The following COL14A1 variants were observed in gnomAD, a reference collection of about 807,000 sequenced individuals.
COL14A1 encodes the protein collagen type XIV alpha 1 chain.
In COL14A1, 136 loss-of-function variants were observed where a neutral mutation model predicts 230.3. The observed-to-expected ratio is 0.59, with a 90% CI of 0.51 to 0.68. The LOEUF (loss-of-function observed/expected upper bound fraction) is 0.68, where lower values mean the gene tolerates loss of function less well. Among genes scored for constraint, COL14A1 ranks in the 30% least tolerant of loss-of-function variants. The probability of loss-of-function intolerance (pLI) is 0.00; values close to 1 mark genes in which losing one functional copy is unlikely to be tolerated. For synonymous variants in COL14A1, 792 were observed against 784.1 expected, an observed-to-expected ratio of 1.01 and a Z score of -0.17; for missense variants, 1,976 against 2,215.8, an observed-to-expected ratio of 0.89 and a Z score of 2.17.
intron 23 of COL14A1, among the ~76,000 whole-genome samples, chr8:120,260,097 T>C (rs975179402): frequency 2.0e-5 from 3 of 152,168 alleles, no homozygotes; most frequent in South Asian, 4.2e-4. Context: ...CTATTTACTT[T>C]GAACAAATAC....
At chr8:120,308,381 C>T (rs1200376875) in intron 36 of COL14A1, among the ~76,000 whole-genome samples, 2 of 152,180 alleles carry the variant, frequency 1.3e-5, no homozygotes, top group Non-Finnish European at 2.9e-5. Context: ...ATCCAAGGTT[C>T]AGACAACTAT....
rs140702446 is a variant in COL14A1, at chr8:120,208,184, C to T, written c.1192-48C>T. ...TTTTCGCTTTTTGATTTCAATTCTGCGTGTAAGATATTCCATACTCTCATT... is the reference window on the plus strand; with the variant it reads ...TTTTCGCTTTTTGATTTCAATTCTGTGTGTAAGATATTCCATACTCTCATT... On this transcript the variant is annotated intron_variant, in intron 10 of 47. Transcript: ENST00000297848. 2.5e-4 allele frequency: 375 copies of T among 1,492,684 alleles called. 5 individuals are homozygous for T. The African/African-American group carries it at 4.4e-3, about 18-fold the overall frequency. 92.5% of individuals were successfully genotyped at this position (1,492,684 alleles called of 1,614,324 possible).
intron 24 of COL14A1, among the ~76,000 whole-genome samples, chr8:120,266,380 C>A (rs993166805): frequency 6.6e-6 from 1 of 152,030 alleles, no homozygotes; most frequent in Non-Finnish European, 1.5e-5. Flanking sequence ...GAATCAGAGT[C>A]CACTGGTGAC....
In COL14A1 at chr8:120,182,969, C is replaced by T. The variant is rs61361122; in HGVS notation, c.437-13822C>T. ...CTCAAACTCCTGAGCTCAGGTGATC[C>T]GCCTGACTCAGCCTCCCAAAATGCT... On this transcript the variant is annotated intron_variant, in intron 5 of 47. Coordinates refer to ENST00000297848, the MANE Select transcript of COL14A1 (RefSeq NM_021110.4). Among the ~76,000 whole-genome samples, 1,462 of 152,094 alleles carry T rather than the reference C, an allele frequency of 9.6e-3. 31 individuals are homozygous for T. The highest frequency in any genetic ancestry group is 0.034 in the African/African-American group (1,406 of 41,482).
chr8:120,289,545 A>T (rs1025371255), intron 33 of COL14A1, 63 bp from the exon 34 acceptor site: 49 of 1,381,172 alleles, frequency 3.5e-5, no homozygotes, highest in Non-Finnish European at 4.5e-5. Flanking sequence ...TCATACAATT[A>T]TACAAATTTG....
At chr8:120,272,463 A>G (rs1391063304) in intron 26 of COL14A1, among the ~76,000 whole-genome samples, 1 of 151,798 alleles carries the variant, frequency 6.6e-6, no homozygotes, top group Non-Finnish European at 1.5e-5. Flanking sequence ...GTTGAATGTA[A>G]ATAGCCTAAG....
chr8:120,357,100 AGT>A (rs1350303226), intron 45 of COL14A1, among the ~76,000 whole-genome samples: 1 of 152,236 alleles, frequency 6.6e-6, no homozygotes, highest in Non-Finnish European at 1.5e-5. Flanking sequence ...TTTAAAACTT[AGT>A]GGCTTAAAGC....
At chr8:120,292,534 C>G (rs935610494) in intron 34 of COL14A1, among the ~76,000 whole-genome samples, 1 of 152,076 alleles carries the variant, frequency 6.6e-6, no homozygotes, top group Non-Finnish European at 1.5e-5. Flanking sequence ...GAAACTCAGA[C>G]TTGCTTTTTG....
intron 5 of COL14A1, among the ~76,000 whole-genome samples, chr8:120,185,978 G>A (rs1019970204): frequency 6.6e-6 from 1 of 151,992 alleles, no homozygotes; most frequent in Non-Finnish European, 1.5e-5. Flanking sequence ...TTCACCATTT[G>A]GCCTGTCTGG....
At chr8:120,331,329 G>GA (rs34839421) in intron 40 of COL14A1, among the ~76,000 whole-genome samples, 1 of 152,004 alleles carries the variant, frequency 6.6e-6, no homozygotes, top group Non-Finnish European at 1.5e-5. Flanking sequence ...GTGGTGTTTG[G>GA]AAAAAATTTT....
intron 1 of COL14A1, among the ~76,000 whole-genome samples, chr8:120,141,971 G>T (rs978190947): frequency 2.0e-5 from 3 of 152,074 alleles, no homozygotes; most frequent in Non-Finnish European, 4.4e-5. Context: ...GGGCTCAAGC[G>T]ATCTTCCTGC....
chr8:120,358,894 A>T (rs1823083646), intron 45 of COL14A1, among the ~76,000 whole-genome samples: 1 of 152,166 alleles, frequency 6.6e-6, no homozygotes, highest in African/African-American at 2.4e-5. Flanking sequence ...GAGGAAGGTG[A>T]AAACATGCAG....
chr8:120,266,274 G>C (rs974753458), intron 24 of COL14A1, among the ~76,000 whole-genome samples: 1 of 151,906 alleles, frequency 6.6e-6, no homozygotes, highest in Non-Finnish European at 1.5e-5. Flanking sequence ...CATAATCCAG[G>C]CTGAAAAGAC....
chr8:120,147,115 C>G (rs975405025), intron 1 of COL14A1, among the ~76,000 whole-genome samples: 3 of 151,476 alleles, frequency 2.0e-5, no homozygotes, highest in Non-Finnish European at 4.4e-5. Context: ...ATTATAGATA[C>G]GTAATAATTA....
chr8:120,353,657 C>T (rs1173717003), intron 45 of COL14A1, among the ~76,000 whole-genome samples: 10 of 150,558 alleles, frequency 6.6e-5, no homozygotes, highest in Non-Finnish European at 1.0e-4. Flanking sequence ...TCATCACTGG[C>T]CATCAGAGAA....
intron 14 of COL14A1, among the ~76,000 whole-genome samples, chr8:120,219,038 A>G (rs1817849573): frequency 6.6e-6 from 1 of 150,834 alleles, no homozygotes; most frequent in African/African-American, 2.4e-5. Context: ...TATATTTATA[A>G]ATATAATTAT....
intron 25 of COL14A1, 191 bp downstream of exon 25, chr8:120,267,074 A>T (rs1819522179): frequency 1.8e-6 from 1 of 555,134 alleles, no homozygotes; most frequent in Non-Finnish European, 3.2e-6. Context: ...CTGCACACAA[A>T]GAGTGGATTT....
In COL14A1 at chr8:120,247,683, C is replaced by A; in HGVS notation, c.2550C>A (p.Asp850Glu). 1 of 1,613,944 alleles carries A rather than the reference C, an allele frequency of 6.2e-7. No homozygotes were observed. The highest frequency in any genetic ancestry group is 1.7e-4 in the Middle Eastern group (1 of 6,060). Residue 850 changes from aspartate (D) to glutamate (E), a missense_variant, in exon 21 of 48, where the codon GAC becomes GAA. Physicochemically the swap from Asp to Glu is conservative, Grantham distance 45. This residue lies in a region of COL14A1 where 1,791 missense variants were observed against 2,019.5 expected (regional missense o/e 0.89). Transcript: ENST00000297848. ...ATAACCGGTTGCGCATTACGTGGGA[C>A]CCCCCATCTTCCCCGGTGAAAGGCT... ...EWYNRLRITWDPPSSPVKGYR... is the reference protein window; with the variant it reads ...EWYNRLRITWEPPSSPVKGYR...
At position 120,370,639 on chromosome 8, in the gene COL14A1, T is replaced by C. The variant is rs1823554692; in HGVS notation, c.5312-513T>C. 4.8e-6 allele frequency: 7 copies of C among 1,457,832 alleles called. No individual in the cohort carries two copies. The East Asian group carries it at 1.9e-4, about 40-fold the overall frequency. The allele number at this position is 1,457,832 out of a possible 1,614,324, so 90.3% of individuals were successfully genotyped here. Reference sequence around the variant, plus strand: ...CCATGTCAGCCTGGATAGAGGTATATGATCGTGTGCCAAGAATTTATCCCA... The same window carrying C: ...CCATGTCAGCCTGGATAGAGGTATACGATCGTGTGCCAAGAATTTATCCCA... On this transcript the variant is annotated intron_variant, in intron 47 of 47. Coordinates refer to ENST00000297848, the MANE Select transcript of COL14A1 (RefSeq NM_021110.4).
Sources: allele counts gnomAD v4.1 joint callset (sites outside exome capture counted in the v4.1 genomes callset), GRCh38; gene constraint gnomAD v4.1.1; regional missense constraint gnomAD v4.1.1; transcripts MANE v1.5; gene names NCBI Gene and HGNC (gene_info 2026-07-23, HGNC 2026-07-21).